The following SRRM4 variants were observed in gnomAD, a reference collection of about 807,000 sequenced individuals.
The protein encoded by SRRM4 is serine/arginine repetitive matrix 4.
Under a neutral mutation model 68.9 loss-of-function variants are expected in SRRM4, and 33 were observed. The observed-to-expected ratio is 0.48, with a 90% CI of 0.36 to 0.64. SRRM4 has a LOEUF of 0.64. Among genes scored for constraint, SRRM4 ranks in the 30% least tolerant of loss-of-function variants. The pLI is 0.00. For synonymous variants in SRRM4, 318 were observed against 318.8 expected (o/e 1.00, Z 0.03); for missense variants, 817 against 827.1 (o/e 0.99, Z 0.15).
chr12:119,147,781 A>G (rs1314544195), intron 9 of SRRM4, among the ~76,000 whole-genome samples: 2 of 152,254 alleles, frequency 1.3e-5, no homozygotes, highest in Non-Finnish European at 2.9e-5. Context: ...ACACAGATGC[A>G]TATGAGCCAG....
intron 1 of SRRM4, among the ~76,000 whole-genome samples, chr12:119,086,638 C>A (rs1419561289): frequency 1.3e-5 from 2 of 152,172 alleles, no homozygotes; most frequent in Non-Finnish European, 2.9e-5. Context: ...TGCAGCAGGG[C>A]CCCTTCATGG....
chr12:119,051,385 A>G (rs1442124553), intron 1 of SRRM4, among the ~76,000 whole-genome samples: 17 of 152,188 alleles, frequency 1.1e-4, no homozygotes, highest in Non-Finnish European at 2.5e-4. Flanking sequence ...CTACTGGGGG[A>G]AAAAAGCAAG....
At chr12:119,003,092 T>C (rs914420614) in intron 1 of SRRM4, among the ~76,000 whole-genome samples, 4 of 151,880 alleles carry the variant, frequency 2.6e-5, no homozygotes, top group Non-Finnish European at 5.9e-5. Flanking sequence ...TCCCACACCA[T>C]GTGCTCACAG....
chr12:119,105,751 T>C (rs1205876355), intron 2 of SRRM4, among the ~76,000 whole-genome samples: 2 of 152,198 alleles, frequency 1.3e-5, no homozygotes, highest in African/African-American at 2.4e-5. Context: ...ATTGTAAAAA[T>C]TTTCTCCCAT....
rs1039897184 is a variant in SRRM4 at position 119,154,044 on chromosome 12, C to A, written c.1392-199C>A. On this transcript the variant is annotated intron_variant, in intron 11 of 12. Transcript: ENST00000267260. This position sits in a 1 kb window ranked among gnomAD's most constrained non-coding sequence, Gnocchi z 4.7. Reference sequence around the variant, plus strand: ...GACACCCCTGCACAAGCCCAGCCCCCACCCCTACGGTACTAACAACCCTCG... The same window carrying A: ...GACACCCCTGCACAAGCCCAGCCCCAACCCCTACGGTACTAACAACCCTCG... Among the ~76,000 whole-genome samples, 24 of 151,634 alleles carry A rather than the reference C, an allele frequency of 1.6e-4. No homozygotes were observed. Among genetic ancestry groups the A allele is most frequent in the Admixed American group, 2.6e-4 (4 of 15,244 alleles).
At chr12:118,998,286 A>C (rs1473659623) in intron 1 of SRRM4, among the ~76,000 whole-genome samples, 2 of 150,146 alleles carry the variant, frequency 1.3e-5, no homozygotes, top group Non-Finnish European at 3.0e-5. Context: ...AAAAAAAAAA[A>C]AAAAAAAAAA....
chr12:119,135,106 G>A (rs189923454), intron 8 of SRRM4, among the ~76,000 whole-genome samples: 1 of 152,312 alleles, frequency 6.6e-6, no homozygotes, highest in East Asian at 1.9e-4. Flanking sequence ...TTGGGAGAAA[G>A]GGGAACTGTT....
intron 1 of SRRM4, among the ~76,000 whole-genome samples, chr12:119,052,189 C>T (rs1199047959): frequency 6.6e-6 from 1 of 152,176 alleles, no homozygotes; most frequent in Non-Finnish European, 1.5e-5. Flanking sequence ...ACATCACCTG[C>T]TGTGTTTAGA....
intron 2 of SRRM4, among the ~76,000 whole-genome samples, chr12:119,107,673 A>G (rs1362903787): frequency 6.6e-6 from 1 of 151,956 alleles, no homozygotes; most frequent in African/African-American, 2.4e-5. Context: ...TATCCCCTTT[A>G]TCATTTTTTA....
chr12:119,084,593 T>C (rs1953968508), intron 1 of SRRM4, among the ~76,000 whole-genome samples: 1 of 152,196 alleles, frequency 6.6e-6, no homozygotes, highest in Non-Finnish European at 1.5e-5. Context: ...GGGCTATTTC[T>C]CTAGTTGGTT....
intron 8 of SRRM4, among the ~76,000 whole-genome samples, chr12:119,142,485 G>T (rs1954371221): frequency 6.6e-6 from 1 of 152,284 alleles, no homozygotes; most frequent in South Asian, 2.1e-4. Flanking sequence ...TAGCCCAGAG[G>T]GGCCTCACAT....
At chr12:119,122,284 CAGGAAGGCAGGAAGGAAGGAAGGA>C (rs1462369300) in intron 6 of SRRM4, among the ~76,000 whole-genome samples, 164 bp downstream of exon 6, 91 of 97,786 alleles carry the variant, frequency 9.3e-4, no homozygotes, top group Middle Eastern at 4.9e-3. Flanking sequence ...GGCAGGAAGG[CAGGAAGGCAGGAAGGAAGGAAGGA>C]AGGAAGGAAG....
chr12:118,990,345 T>C (rs978232137), intron 1 of SRRM4, among the ~76,000 whole-genome samples: 7 of 152,062 alleles, frequency 4.6e-5, no homozygotes, highest in Admixed American at 3.9e-4. Flanking sequence ...CGTCCGGAGG[T>C]TCTTACTATT....
chr12:118,982,128 T>C, intron 1 of SRRM4, 115 bp downstream of exon 1: 1 of 1,327,584 alleles, frequency 7.5e-7, no homozygotes, highest in Non-Finnish European at 1.0e-6. Context: ...TCTTTTCCCG[T>C]CACTACTCGG....
intron 1 of SRRM4, among the ~76,000 whole-genome samples, chr12:119,008,755 T>TC (rs895311229): frequency 1.3e-5 from 2 of 151,946 alleles, no homozygotes; most frequent in African/African-American, 4.8e-5. Context: ...GTGCTGTTTT[T>TC]CCCCTCCCCC....
chr12:119,031,561 T>A (rs1483760463), intron 1 of SRRM4, among the ~76,000 whole-genome samples: 1 of 152,184 alleles, frequency 6.6e-6, no homozygotes, highest in African/African-American at 2.4e-5. Context: ...GACAAAATGA[T>A]GTGAACATTT....
intron 1 of SRRM4, among the ~76,000 whole-genome samples, chr12:119,090,995 G>A (rs1266376801): frequency 3.3e-5 from 5 of 152,198 alleles, no homozygotes; most frequent in Admixed American, 6.5e-5. Flanking sequence ...AGCCCAGACC[G>A]CAGGAGCTCA....
intron 1 of SRRM4, among the ~76,000 whole-genome samples, chr12:119,011,253 G>C (rs1279835286): frequency 6.6e-6 from 1 of 152,090 alleles, no homozygotes; most frequent in Non-Finnish European, 1.5e-5. Flanking sequence ...AATAAACAAA[G>C]TACTATGAAG....
In SRRM4 at chr12:119,153,628, A is replaced by T; in HGVS notation, c.1370A>T (p.Tyr457Phe). Residue 457 changes from tyrosine (Y) to phenylalanine (F), a missense_variant, in exon 11 of 13, where the codon TAC becomes TTC. By Grantham distance (22) the Tyr-to-Phe change is conservative (BLOSUM62 3). Transcript: ENST00000267260. The stretch of plus-strand genomic sequence containing the variant: ...TCTAGGTCCCGCCGCAGCCCTAGCT[A>T]CTCCCGCTACAGCCCCAGCAGGTAC... Reference protein sequence around the residue: ...RSSRSRRSPSYSRYSPSRERD... With the variant: ...RSSRSRRSPSFSRYSPSRERD... 1 of 1,559,090 alleles carries T rather than the reference A, an allele frequency of 6.4e-7. No homozygotes were observed.
Sources: allele counts gnomAD v4.1 joint callset (sites outside exome capture counted in the v4.1 genomes callset), GRCh38; gene constraint gnomAD v4.1.1; non-coding constraint Gnocchi (gnomAD v3.1); transcripts MANE v1.5; gene names NCBI Gene and HGNC (gene_info 2026-07-23, HGNC 2026-07-21).